The following PRELID2 variants were observed in gnomAD, a reference collection of about 807,000 sequenced individuals.
PRELID2 encodes PRELI domain containing 2.
In PRELID2, 25 loss-of-function variants were observed where a neutral mutation model predicts 28.4. The ratio of observed to expected loss-of-function variants is 0.88; its 90% CI spans 0.64 to 1.23. PRELID2 has a LOEUF of 1.23. Among genes scored for constraint, PRELID2 ranks in the 50% most tolerant of loss-of-function variants. PRELID2 has a pLI of 0.00. For missense variants in PRELID2, 201 were observed against 214.4 expected (o/e 0.94, Z 0.39); for synonymous variants, 76 against 71.6 (o/e 1.06, Z -0.31).
intron 2 of PRELID2, among the ~76,000 whole-genome samples, chr5:145,821,914 G>A (rs1468998907): frequency 6.6e-6 from 1 of 152,172 alleles, no homozygotes; most frequent in Non-Finnish European, 1.5e-5. Flanking sequence ...GGGTCACCAA[G>A]GTAGTAATGA....
At chr5:145,807,762 T>C (rs1753614661) in intron 4 of PRELID2, among the ~76,000 whole-genome samples, 1 of 152,168 alleles carries the variant, frequency 6.6e-6, no homozygotes, top group Admixed American at 6.5e-5. Flanking sequence ...CTGCATCCCC[T>C]TTAGCAGATT....
intron 1 of PRELID2, among the ~76,000 whole-genome samples, chr5:145,557,552 G>A (rs553759398): frequency 6.6e-6 from 1 of 152,334 alleles, no homozygotes; most frequent in South Asian, 2.1e-4. Context: ...GACCTGGGTT[G>A]TCAAGGAGCC....
chr5:145,232,115 T>C, the PRELID2 span, among the ~76,000 whole-genome samples: 2 of 152,090 alleles, frequency 1.3e-5, no homozygotes, highest in East Asian at 3.9e-4. Context: ...AACCATAATA[T>C]ATCCTTGGTT....
the PRELID2 span, among the ~76,000 whole-genome samples, chr5:145,389,298 G>A: frequency 6.6e-6 from 1 of 152,068 alleles, no homozygotes; most frequent in East Asian, 1.9e-4. Flanking sequence ...AATACAAACA[G>A]ATGATCTTAG....
chr5:145,734,984 T>C (rs1254018312), intron 1 of PRELID2, among the ~76,000 whole-genome samples: 4 of 152,164 alleles, frequency 2.6e-5, no homozygotes, highest in Non-Finnish European at 5.9e-5. Context: ...CAGTGGCTCA[T>C]GCCTGTAATC....
intron 1 of PRELID2, among the ~76,000 whole-genome samples, chr5:145,541,075 G>C (rs1752741077): frequency 6.6e-6 from 1 of 151,858 alleles, no homozygotes; most frequent in Non-Finnish European, 1.5e-5. Flanking sequence ...GAAGCAGGGT[G>C]GTAGGTATAT....
the PRELID2 span, among the ~76,000 whole-genome samples, chr5:145,385,572 A>G: frequency 6.6e-6 from 1 of 152,122 alleles, no homozygotes; most frequent in African/African-American, 2.4e-5. Context: ...CTAACCATCA[A>G]ATTTTTGCAA....
the PRELID2 span, among the ~76,000 whole-genome samples, chr5:145,409,779 C>T: frequency 6.7e-6 from 1 of 148,678 alleles, no homozygotes; most frequent in Non-Finnish European, 1.5e-5. Flanking sequence ...CAAAGAGAGA[C>T]ATTATATAAT....
the PRELID2 span, among the ~76,000 whole-genome samples, chr5:145,463,380 A>G: frequency 7.0e-6 from 1 of 143,136 alleles, no homozygotes; most frequent in Admixed American, 7.0e-5. Context: ...GTTTTAATTG[A>G]TATGGTCCTG....
At chr5:145,545,655 T>C (rs1580973615) in intron 1 of PRELID2, among the ~76,000 whole-genome samples, 1 of 152,142 alleles carries the variant, frequency 6.6e-6, no homozygotes. Context: ...GCCTCGGTCA[T>C]GCAACCAGCA....
At chr5:145,431,290 C>T in the PRELID2 span, among the ~76,000 whole-genome samples, 14 of 151,872 alleles carry the variant, frequency 9.2e-5, no homozygotes, top group African/African-American at 3.4e-4. Context: ...TCAGCATAGA[C>T]AATTTGAATA....
intron 1 of PRELID2, among the ~76,000 whole-genome samples, chr5:145,694,675 A>G (rs1755220166): frequency 6.6e-6 from 1 of 152,142 alleles, no homozygotes; most frequent in Non-Finnish European, 1.5e-5. Context: ...CCTATATGAC[A>G]TTCAGAAATG....
At chr5:145,685,437 C>A (rs918017452) in intron 1 of PRELID2, among the ~76,000 whole-genome samples, 6 of 152,180 alleles carry the variant, frequency 3.9e-5, no homozygotes, top group Non-Finnish European at 8.8e-5. Flanking sequence ...GTTTTCAAGT[C>A]TCAGCTTGGA....
intron 1 of PRELID2, among the ~76,000 whole-genome samples, chr5:145,711,865 A>G (rs1001760106): frequency 3.9e-5 from 6 of 152,192 alleles, no homozygotes; most frequent in African/African-American, 1.2e-4. Flanking sequence ...AGGACTGAAG[A>G]CCAAGGAGAA....
chr5:145,327,755 A>C, the PRELID2 span, among the ~76,000 whole-genome samples: 3 of 151,278 alleles, frequency 2.0e-5, no homozygotes, highest in Non-Finnish European at 4.4e-5. Context: ...CTTTGTCTTT[A>C]CTTTTGTGTA....
chr5:145,319,911 G>A, the PRELID2 span, among the ~76,000 whole-genome samples: 26 of 152,074 alleles, frequency 1.7e-4, no homozygotes, highest in Non-Finnish European at 3.4e-4. Flanking sequence ...AAATGTGTGT[G>A]AAATATATAC....
At chr5:145,448,478 T>C in the PRELID2 span, among the ~76,000 whole-genome samples, 1 of 152,302 alleles carries the variant, frequency 6.6e-6, no homozygotes, top group Middle Eastern at 3.4e-3. Context: ...TTAGTTTAAT[T>C]AGATCCCATT....
intron 1 of PRELID2, among the ~76,000 whole-genome samples, chr5:145,545,724 A>G (rs1752781066): frequency 6.6e-6 from 1 of 152,202 alleles, no homozygotes; most frequent in South Asian, 2.1e-4. Flanking sequence ...GCAGTCCAGC[A>G]GGCTCTTCTG....
At chr5:145,824,767 G>T (rs1440909423) in intron 1 of PRELID2, among the ~76,000 whole-genome samples, 3 of 152,106 alleles carry the variant, frequency 2.0e-5, no homozygotes, top group African/African-American at 7.2e-5. Context: ...GAGAGCAGTG[G>T]CTCAGCTTTC....
Sources: gnomAD v4.1 joint callset for allele counts (sites outside exome capture counted in the v4.1 genomes callset) on GRCh38, gnomAD v4.1.1 for gene constraint, MANE v1.5 for transcripts, NCBI Gene and HGNC (gene_info 2026-07-23, HGNC 2026-07-21) for gene names.